The following LZTS1 variants were observed in gnomAD, a reference collection of about 807,000 sequenced individuals.
LZTS1 encodes the protein leucine zipper putative tumor suppressor 1.
Under a neutral mutation model 45.8 loss-of-function variants are expected in LZTS1, and 31 were observed. The ratio of observed to expected loss-of-function variants is 0.68; its 90% confidence interval spans 0.51 to 0.91. LZTS1 has a LOEUF of 0.91. Among genes scored for constraint, LZTS1 ranks in the 40% least tolerant of loss-of-function variants. LZTS1 has a pLI of 0.00. For missense variants in LZTS1, 821 were observed against 788.9 expected, an observed-to-expected ratio of 1.04 and a Z score of -0.49; for synonymous variants, 359 against 357.3, an observed-to-expected ratio of 1.00 and a Z score of -0.05.
chr8:20,301,955 T>C (rs999493059), intron 1 of LZTS1, among the ~76,000 whole-genome samples: 3 of 152,170 alleles, frequency 2.0e-5, no homozygotes, highest in African/African-American at 7.2e-5. Context: ...TTTGCTTGCA[T>C]ATAGACACCC....
intron 1 of LZTS1, among the ~76,000 whole-genome samples, chr8:20,268,773 T>C (rs987147410): frequency 3.3e-5 from 5 of 151,940 alleles, no homozygotes. Flanking sequence ...GAGAGGCTGC[T>C]GGTGGGTTGG....
At chr8:20,260,605 G>A (rs1800207696) in intron 1 of LZTS1, among the ~76,000 whole-genome samples, 1 of 152,230 alleles carries the variant, frequency 6.6e-6, no homozygotes, top group Non-Finnish European at 1.5e-5. Flanking sequence ...AGGAAGCCTA[G>A]AGGAGGAATC....
At chr8:20,258,370 T>C (rs912027945) in intron 1 of LZTS1, among the ~76,000 whole-genome samples, 2 of 152,044 alleles carry the variant, frequency 1.3e-5, no homozygotes, top group Admixed American at 6.6e-5. Flanking sequence ...ACTCTGTTTT[T>C]TAATTTTAAT....
In LZTS1 at chr8:20,279,498, G is replaced by A. The variant is rs527408866; in HGVS notation, c.-134-24183C>T. 3.3e-5 allele frequency among the ~76,000 whole-genome samples: 5 copies of A among 152,076 alleles called. No homozygotes were observed. In the East Asian group the frequency reaches 5.8e-4, roughly 18 times the overall value. On this transcript the variant is annotated intron_variant, in intron 1 of 3. Coordinates refer to ENST00000381569, the MANE Select transcript of LZTS1 (RefSeq NM_021020.5). Reference sequence around the variant, plus strand: ...GAGAATCGCCTGAGGCCAGGGGTTCGAGACCAGCCTGGGTGACATAGTGAG... The same window carrying A: ...GAGAATCGCCTGAGGCCAGGGGTTCAAGACCAGCCTGGGTGACATAGTGAG...
rs929633385 is a variant in LZTS1, at chr8:20,301,056, G to A, written c.-135+2684C>T. On this transcript the variant is annotated intron_variant, in intron 1 of 3. Transcript: ENST00000381569. ...GAACTGCTTGAACCCAGGAGGTGGA[G>A]GTTGCGGTGAGCCAAGATCGCACCA... is the stretch of plus-strand genomic sequence containing the variant. 2.0e-5 allele frequency among the ~76,000 whole-genome samples: 3 copies of A among 151,270 alleles called. No homozygotes were observed. In the East Asian group the frequency reaches 5.9e-4, roughly 30 times the overall value.
intron 1 of LZTS1, chr8:20,289,143 C>A (rs931081799): frequency 6.6e-6 from 1 of 152,126 alleles, no homozygotes; most frequent in South Asian, 2.1e-4. Context: ...ACAGCAATTC[C>A]ATTTCGGGCC....
At position 20,281,258 on chromosome 8, in the gene LZTS1, C is replaced by T. The variant is rs1585297345; in HGVS notation, c.-135+22482G>A. Among the ~76,000 whole-genome samples the T allele has an allele frequency of 2.0e-5, 3 of 152,080 alleles. 1 individual carries two copies. The highest frequency in any genetic ancestry group is 2.0e-4 in the Admixed American group (3 of 15,248). The stretch of plus-strand genomic sequence containing the variant: ...AGGTGTTTAGGTCACCGGGGTGGAT[C>T]CCTCAAGAATGGCTTAGTGGCCTGG... On this transcript the variant is annotated intron_variant, in intron 1 of 3. Transcript: ENST00000381569.
intron 1 of LZTS1, among the ~76,000 whole-genome samples, chr8:20,258,706 T>A (rs1451692986): frequency 6.6e-6 from 1 of 152,226 alleles, no homozygotes; most frequent in African/African-American, 2.4e-5. Context: ...ATTTACTCAA[T>A]ACTTAGTACA....
At chr8:20,281,844 C>G (rs1293086325) in intron 1 of LZTS1, among the ~76,000 whole-genome samples, 1 of 152,162 alleles carries the variant, frequency 6.6e-6, no homozygotes, top group Non-Finnish European at 1.5e-5. Context: ...TATAAATTAC[C>G]CAGTCTCAGG....
chr8:20,277,744 C>G (rs528003233), intron 1 of LZTS1, among the ~76,000 whole-genome samples: 1 of 152,278 alleles, frequency 6.6e-6, no homozygotes, highest in African/African-American at 2.4e-5. Context: ...TTCTCTGTTT[C>G]TGTGCACCAT....
intron 1 of LZTS1, among the ~76,000 whole-genome samples, chr8:20,255,863 C>A (rs1382388055): frequency 6.6e-6 from 1 of 151,768 alleles, no homozygotes; most frequent in African/African-American, 2.4e-5. Flanking sequence ...TTGCTTGAGT[C>A]CAGGAGTTCG....
chr8:20,282,270 T>C (rs1187300165), intron 1 of LZTS1, among the ~76,000 whole-genome samples: 2 of 152,208 alleles, frequency 1.3e-5, no homozygotes, highest in East Asian at 3.8e-4. Context: ...CTCATGCCTC[T>C]GTAGCCCTCC....
At chr8:20,254,167 G>A (rs1391836149) in intron 2 of LZTS1, among the ~76,000 whole-genome samples, 1 of 152,202 alleles carries the variant, frequency 6.6e-6, no homozygotes, top group Admixed American at 6.5e-5. Flanking sequence ...ATCAAAGCCG[G>A]GGATTCATTT....
At chr8:20,303,303 G>A (rs1801113463) in intron 1 of LZTS1, among the ~76,000 whole-genome samples, 1 of 152,110 alleles carries the variant, frequency 6.6e-6, no homozygotes, top group Admixed American at 6.5e-5. Flanking sequence ...GTTCCAGGCG[G>A]CGAAGTTCAG....
intron 1 of LZTS1, among the ~76,000 whole-genome samples, chr8:20,271,127 A>G (rs1222918694): frequency 6.6e-6 from 1 of 151,992 alleles, no homozygotes; most frequent in East Asian, 1.9e-4. Flanking sequence ...GCCATTCCCA[A>G]CGAGTCTCTA....
chr8:20,255,573 G>T (rs1403314408), intron 1 of LZTS1, among the ~76,000 whole-genome samples: 1 of 152,172 alleles, frequency 6.6e-6, no homozygotes, highest in Non-Finnish European at 1.5e-5. Flanking sequence ...TGCATTCCTG[G>T]AACTTAGGGT....
chr8:20,261,863 C>T (rs937988135), intron 1 of LZTS1, among the ~76,000 whole-genome samples: 1 of 152,182 alleles, frequency 6.6e-6, no homozygotes, highest in African/African-American at 2.4e-5. Flanking sequence ...CTCCCCCAGC[C>T]GGAGATGTTC....
intron 1 of LZTS1, among the ~76,000 whole-genome samples, chr8:20,296,948 A>G (rs12114921): frequency 2.4e-3 from 364 of 152,292 alleles, no homozygotes; most frequent in African/African-American, 8.5e-3. Context: ...GATTAGATCA[A>G]TTAGCTTTAG....
chr8:20,273,030 A>C (rs955392136), intron 1 of LZTS1, among the ~76,000 whole-genome samples: 2 of 152,044 alleles, frequency 1.3e-5, no homozygotes, highest in Non-Finnish European at 2.9e-5. Context: ...ATCATTTCTC[A>C]TTGGCTCTTC....
Sources: gnomAD v4.1 joint callset for allele counts (sites outside exome capture counted in the v4.1 genomes callset) on GRCh38, gnomAD v4.1.1 for gene constraint, MANE v1.5 for transcripts, NCBI Gene and HGNC (gene_info 2026-07-23, HGNC 2026-07-21) for gene names.